Variants in CETP observed in about 807,000 individuals in gnomAD.
The protein encoded by CETP is BPI fold containing family F.
A neutral mutation model predicts 66.5 loss-of-function variants in CETP; 56 were observed. That is an observed-to-expected ratio of 0.84 (90% CI 0.68 to 1.05). The LOEUF is 1.05. CETP is among the 50% of genes least tolerant of loss of function. The pLI is 0.00. For missense variants in CETP, 612 were observed against 609.6 expected (o/e 1.00, Z -0.04); for synonymous variants, 251 against 245.7 (o/e 1.02, Z -0.20).
chr16:56,969,760 C>T (rs1298824165), intron 4 of CETP, 79 bp downstream of exon 4: 3 of 1,580,632 alleles, frequency 1.9e-6, no homozygotes, highest in Middle Eastern at 1.7e-4. Context: ...GTTGTGCAGG[C>T]AGAGGGTTCT....
Position 56,972,050 on chromosome 16 carries a change from C to T in CETP, c.717C>T (p.Val239=). 2 of 1,614,124 alleles carry T rather than the reference C, an allele frequency of 1.2e-6. No homozygotes were observed. The highest frequency in any genetic ancestry group is 1.7e-6 in the Non-Finnish European group (2 of 1,179,988). ...GVDISLTGDP[V]ITASYLESHH... ...ACATTTCCCTGACAGGTGATCCCGT[C>T]ATCACAGCCTCCTACCTGGAGTCCC... is the stretch of plus-strand genomic sequence containing the variant. Residue 239 remains valine, a synonymous_variant, in exon 8 of 16, where the codon GTC becomes GTT. Coordinates refer to ENST00000200676, the MANE Select transcript of CETP (RefSeq NM_000078.3).
chr16:56,968,348 G>T (rs1193229959), intron 2 of CETP, among the ~76,000 whole-genome samples: 1 of 152,066 alleles, frequency 6.6e-6, no homozygotes, highest in Non-Finnish European at 1.5e-5. Flanking sequence ...ATCATGCCCG[G>T]TTAATTTTTT....
In CETP at chr16:56,969,468, G is replaced by C; in HGVS notation, c.316G>C (p.Val106Leu). The change falls in exon 3 of 16, where the codon GTG becomes CTG. Residue 106 changes from valine to leucine, a missense_variant. By Grantham distance (32) the Val-to-Leu change is conservative. Coordinates refer to ENST00000200676, the MANE Select transcript of CETP (RefSeq NM_000078.3). ...AKSIDVSIQNVSVVFKGTLKY... is the reference protein window; with the variant it reads ...AKSIDVSIQNLSVVFKGTLKY... ...GTCCATTGATGTCTCCATTCAGAAC[G>C]TGTCTGTGGTCTTCAAGGGGACCCT... is the stretch of plus-strand genomic sequence containing the variant. The C allele has an allele frequency of 6.2e-7, 1 of 1,614,214 alleles. No individual in the cohort carries two copies. Among genetic ancestry groups the C allele is most frequent in the South Asian group, 1.1e-5 (1 of 91,088 alleles).
chr16:56,983,457 G>A (rs758348175), intron 15 of CETP, 46 bp downstream of exon 15: 3 of 1,604,516 alleles, frequency 1.9e-6, no homozygotes, highest in South Asian at 1.1e-5. Flanking sequence ...TGGGGAGAGA[G>A]GCCCAGACAG....
intron 6 of CETP, 88 bp downstream of exon 6, chr16:56,971,190 C>A: frequency 6.7e-7 from 1 of 1,488,588 alleles, no homozygotes; most frequent in Non-Finnish European, 9.4e-7. Flanking sequence ...TGAGAAGGTG[C>A]CACTCCCACC....
chr16:56,980,309 C>T (rs868018091), intron 11 of CETP, among the ~76,000 whole-genome samples: 7 of 152,130 alleles, frequency 4.6e-5, no homozygotes, highest in African/African-American at 1.7e-4. Flanking sequence ...GATCCTCCCA[C>T]CTCAGCTTCT....
chr16:56,969,655 T>C lies in CETP; in HGVS notation c.413T>C (p.Ile138Thr), dbSNP rs2056094566. ...ATTGACTTCGAGATCGACTCTGCCA[T>C]TGACCTCCAGATCAACACACAGCTG... ...QSIDFEIDSA[I>T]DLQINTQLTC... Residue 138 changes from isoleucine (I) to threonine (T), a missense_variant, in exon 4 of 16, where the codon ATT becomes ACT. By Grantham distance (89) the Ile-to-Thr change is moderately conservative (BLOSUM62 -1). Transcript: ENST00000200676. 5 of 1,613,896 alleles carry C rather than the reference T, an allele frequency of 3.1e-6. No homozygotes were observed. Among genetic ancestry groups the C allele is most frequent in the Admixed American group, 1.7e-5 (1 of 59,996 alleles).
intron 8 of CETP, 110 bp downstream of exon 8, chr16:56,972,193 T>C (rs555674820): frequency 1.3e-6 from 1 of 786,940 alleles, no homozygotes; most frequent in South Asian, 1.5e-5. Context: ...CAGCCAAGAG[T>C]CCTGGGGCGC....
chr16:56,980,708 G>T (rs2056181370), intron 11 of CETP, among the ~76,000 whole-genome samples: 1 of 152,114 alleles, frequency 6.6e-6, no homozygotes, highest in Non-Finnish European at 1.5e-5. Context: ...TGGATCACAT[G>T]GTCAGGAGTT....
chr16:56,978,362 C>A, intron 11 of CETP, 107 bp downstream of exon 11: 1 of 1,316,280 alleles, frequency 7.6e-7, no homozygotes, highest in Non-Finnish European at 1.1e-6. Context: ...CTTCTCACCA[C>A]CTCTGCTGGC....
chr16:56,968,034 A>G (rs920012439), intron 2 of CETP, among the ~76,000 whole-genome samples: 1 of 151,990 alleles, frequency 6.6e-6, no homozygotes, highest in African/African-American at 2.4e-5. Flanking sequence ...CCTATACCAG[A>G]AGTCTTTGCC....
chr16:56,981,674 G>T lies in CETP; in HGVS notation c.1242G>T (p.Leu414Phe). The change falls in exon 13 of 16, where the codon TTG (leucine) becomes TTT (phenylalanine). Residue 414 changes from leucine (L) to phenylalanine (F), a missense_variant. Transcript: ENST00000200676. ...FQITPKTVSN[L>F]TESSSESVQS... ...TTACACCAAAGACTGTTTCCAACTT[G>T]ACTGAGGTAGGTAGTCTTGGATAGA... 1.2e-6 allele frequency: 2 copies of T among 1,613,898 alleles called. No individual in the cohort carries two copies. Among genetic ancestry groups the T allele is most frequent in the African/African-American group, 1.3e-5 (1 of 75,034 alleles).
chr16:56,971,512 T>C (rs760810698), intron 7 of CETP, 131 bp downstream of exon 7: 4 of 852,980 alleles, frequency 4.7e-6, no homozygotes, highest in Non-Finnish European at 8.0e-6. Flanking sequence ...GCTCTGACAC[T>C]TGATGATTAG....
chr16:56,973,462 T>G lies in CETP; in HGVS notation c.882T>G (p.Ala294=). The G allele has an allele frequency of 4.3e-6, 7 of 1,614,240 alleles. No homozygotes were observed. The highest frequency in any genetic ancestry group is 5.9e-6 in the Non-Finnish European group (7 of 1,180,048). Residue 294 remains alanine (A), a synonymous_variant, in exon 9 of 16, where the codon GCT becomes GCG. Coordinates refer to ENST00000200676, the MANE Select transcript of CETP (RefSeq NM_000078.3). ...TCTTCCACTCGCTGGCCAAGGTAGC[T>G]TTCCAGGATGGCCGCCTCATGCTCA... The part of the protein sequence containing the change: ...ERVFHSLAKV[A]FQDGRLMLSL...
chr16:56,983,204 C>T (rs541768507), intron 14 of CETP, 122 bp from the exon 15 acceptor site: 13 of 785,786 alleles, frequency 1.7e-5, no homozygotes, highest in Middle Eastern at 2.3e-4. Context: ...CAAAGTGAAA[C>T]GCATGTTTAC....
At chr16:56,971,565 G>C (rs1379592116) in intron 7 of CETP, among the ~76,000 whole-genome samples, 184 bp downstream of exon 7, 1 of 152,214 alleles carries the variant, frequency 6.6e-6, no homozygotes, top group African/African-American at 2.4e-5. Context: ...TTGGGCTGCA[G>C]CCTCACAAGC....
At chr16:56,971,265 G>A in intron 6 of CETP, 56 bp from the exon 7 acceptor site, 2 of 1,593,006 alleles carry the variant, frequency 1.3e-6, no homozygotes, top group South Asian at 1.1e-5. Flanking sequence ...GCTGGAAGGA[G>A]GCACTGCCTC....
Position 56,969,372 on chromosome 16 carries a change from C to T in CETP, c.234-14C>T. 5.6e-6 allele frequency: 9 copies of T among 1,613,482 alleles called. No homozygotes were observed. The highest frequency in any genetic ancestry group is 1.1e-5 in the South Asian group (1 of 91,054). On this transcript the variant is annotated splice_polypyrimidine_tract_variant and intron_variant, in intron 2 of 15. Transcript: ENST00000200676. ...TGACCCCCAACATCCTTCCTCACTTCCATTCCTTCCCAGCATCCAGATCAG... is the reference window on the plus strand; with the variant it reads ...TGACCCCCAACATCCTTCCTCACTTTCATTCCTTCCCAGCATCCAGATCAG...
chr16:56,969,303 C>T, intron 2 of CETP, 83 bp from the exon 3 acceptor site: 2 of 1,581,692 alleles, frequency 1.3e-6, no homozygotes, highest in Non-Finnish European at 1.7e-6. Context: ...ATCTTCCACC[C>T]TCGCCTAGAC....
Sources: allele counts gnomAD v4.1 joint callset (sites outside exome capture counted in the v4.1 genomes callset), GRCh38; gene constraint gnomAD v4.1.1; transcripts MANE v1.5; gene names NCBI Gene and HGNC (gene_info 2026-07-23, HGNC 2026-07-21).